Variants in NUMA1 observed in about 807,000 individuals in gnomAD.
NUMA1 encodes the protein SP-H antigen.
In NUMA1, 62 loss-of-function variants were observed where a neutral mutation model predicts 237.1. That is an observed-to-expected ratio of 0.26 (90% CI 0.21 to 0.32). The LOEUF (loss-of-function observed/expected upper bound fraction) is 0.32, where lower values mean the gene tolerates loss of function less well. Among genes scored for constraint, NUMA1 ranks in the 10% least tolerant of loss-of-function variants. The pLI, the probability that NUMA1 is intolerant of heterozygous loss-of-function variation, is 1.00. For synonymous variants in NUMA1, 1,028 were observed against 1,066.1 expected (o/e 0.96, Z 0.70); for missense variants, 2,533 against 2,666.5 (o/e 0.95, Z 1.10).
intron 3 of NUMA1, among the ~76,000 whole-genome samples, chr11:72,032,266 T>A (rs1463806168): frequency 1.3e-5 from 2 of 152,144 alleles, no homozygotes; most frequent in African/African-American, 4.8e-5. Context: ...TGCTAATATA[T>A]TTATAATATA....
At chr11:72,019,780 G>A (rs150233870) in intron 8 of NUMA1, among the ~76,000 whole-genome samples, 163 bp from the exon 9 acceptor site, 35 of 152,304 alleles carry the variant, frequency 2.3e-4, no homozygotes, top group African/African-American at 8.4e-4. Context: ...GAAACCTGGT[G>A]CCTGGGTTAT....
intron 10 of NUMA1, 109 bp from the exon 11 acceptor site, chr11:72,018,622 AGAG>A: frequency 9.2e-7 from 1 of 1,085,926 alleles, no homozygotes; most frequent in Non-Finnish European, 1.4e-6. Flanking sequence ...GGCATAGGGA[AGAG>A]GAGGAATATG....
intron 17 of NUMA1, among the ~76,000 whole-genome samples, chr11:72,010,448 A>T (rs1315540715): frequency 6.6e-6 from 1 of 152,232 alleles, no homozygotes; most frequent in Admixed American, 6.5e-5. Flanking sequence ...GCGCTGTCCA[A>T]TACAGCAGCC....
intron 16 of NUMA1, among the ~76,000 whole-genome samples, 189 bp from the exon 17 acceptor site, chr11:72,011,043 GCAACCTAA>G (rs1416783241): frequency 6.6e-6 from 1 of 152,136 alleles, no homozygotes; most frequent in Non-Finnish European, 1.5e-5. Flanking sequence ...CCTGAATGAG[GCAACCTAA>G]CACATAGATG....
At chr11:72,048,978 G>A (rs1942159126) in intron 2 of NUMA1, among the ~76,000 whole-genome samples, 1 of 152,102 alleles carries the variant, frequency 6.6e-6, no homozygotes, top group East Asian at 1.9e-4. Context: ...GATTAATGAG[G>A]CAGTGTTGGT....
At chr11:72,036,052 A>C (rs2135718925) in intron 2 of NUMA1, 77 bp from the exon 3 acceptor site, 3 of 1,123,372 alleles carry the variant, frequency 2.7e-6, no homozygotes, top group Non-Finnish European at 4.0e-6. Flanking sequence ...GAAATGGTTC[A>C]ATTTGCCAAT....
In NUMA1 at chr11:72,012,923, T is replaced by C; in HGVS notation, c.4580A>G (p.Gln1527Arg). 6.2e-7 allele frequency: 1 copy of C among 1,614,142 alleles called. No individual in the cohort carries two copies. The highest frequency in any genetic ancestry group is 8.5e-7 in the Non-Finnish European group (1 of 1,180,002). The change falls in exon 15 of 27, where the codon CAG becomes CGG. Residue 1527 changes from glutamine (Q) to arginine (R), a missense_variant. Physicochemically the swap from Gln to Arg is conservative, Grantham distance 43. Transcript: ENST00000393695. The part of the protein sequence containing the change: ...VKVLEERQRF[Q>R]EERQKLTAQV... Reference sequence around the variant, plus strand: ...GGCAGTGAGTTTCTGCCTCTCTTCCTGGAACCGCTGCCTCTCCTCCAGGAC... The same window carrying C: ...GGCAGTGAGTTTCTGCCTCTCTTCCCGGAACCGCTGCCTCTCCTCCAGGAC...
chr11:72,025,976 TA>T (rs1216187960), intron 4 of NUMA1, among the ~76,000 whole-genome samples: 1 of 152,190 alleles, frequency 6.6e-6, no homozygotes, highest in East Asian at 1.9e-4. Flanking sequence ...TTAACTAAAA[TA>T]AAAAGAGGTT....
chr11:72,028,085 T>C (rs1347238109), intron 4 of NUMA1, among the ~76,000 whole-genome samples: 1 of 152,184 alleles, frequency 6.6e-6, no homozygotes, highest in African/African-American at 2.4e-5. Flanking sequence ...ACACTTCAAA[T>C]AAAAACCACT....
intron 16 of NUMA1, 76 bp from the exon 17 acceptor site, chr11:72,010,930 G>A: frequency 7.6e-7 from 1 of 1,322,294 alleles, no homozygotes; most frequent in Non-Finnish European, 1.1e-6. Flanking sequence ...CACCCATCAT[G>A]GGGTTTCCCA....
intron 8 of NUMA1, chr11:72,020,351 G>A (rs950698143): frequency 6.6e-6 from 1 of 152,096 alleles, no homozygotes; most frequent in Non-Finnish European, 1.5e-5. Context: ...TGAATACAAG[G>A]AACATCAAAC....
At chr11:72,024,015 G>A in intron 5 of NUMA1, 1 of 422,188 alleles carries the variant, frequency 2.4e-6, no homozygotes, top group South Asian at 3.4e-5. Context: ...AAAGTGACAG[G>A]TCCCAAAAAG....
intron 2 of NUMA1, among the ~76,000 whole-genome samples, chr11:72,046,670 A>G (rs1403910206): frequency 6.6e-6 from 1 of 152,134 alleles, no homozygotes; most frequent in Non-Finnish European, 1.5e-5. Flanking sequence ...CTTTAAATTC[A>G]GTAGGGAGGG....
In NUMA1 at chr11:72,013,542, G is replaced by C; in HGVS notation, c.3961C>G (p.Arg1321Gly). ...LRQELTSQAE[R>G]AEELGQELKA... is the part of the protein sequence containing the mutation. The stretch of plus-strand genomic sequence containing the variant: ...AATTCTTGGCCCAGCTCCTCCGCAC[G>C]CTCAGCCTGTGAGGTCAGCTCCTGC... Residue 1321 changes from arginine (R) to glycine (G), a missense_variant, in exon 15 of 27, where the codon CGT becomes GGT. Coordinates refer to ENST00000393695, the MANE Select transcript of NUMA1 (RefSeq NM_006185.4). The surrounding 1 kb of genome is among the most constrained non-coding windows in gnomAD (Gnocchi z 6.8). 6.2e-7 allele frequency: 1 copy of C among 1,613,418 alleles called. No homozygotes were observed. Among genetic ancestry groups the C allele is most frequent in the Non-Finnish European group, 8.5e-7 (1 of 1,180,032 alleles).
rs867688795 is a variant in NUMA1 at position 72,036,035 on chromosome 11, T to C, written c.-32-60A>G. ...ATATCAGATATCCATGATCAAGAAATAAAGGCGAAATGGTTCAATTTGCCA... is the reference window on the plus strand; with the variant it reads ...ATATCAGATATCCATGATCAAGAAACAAAGGCGAAATGGTTCAATTTGCCA... On this transcript the variant is annotated intron_variant, in intron 2 of 26. Coordinates refer to ENST00000393695, the MANE Select transcript of NUMA1 (RefSeq NM_006185.4). 7 of 1,346,164 alleles carry C rather than the reference T, an allele frequency of 5.2e-6. 1 individual carries two copies. The Middle Eastern group carries it at 9.1e-4, about 175-fold the overall frequency. 83.4% of individuals were successfully genotyped at this position (1,346,164 alleles called of 1,614,324 possible).
At chr11:72,007,478 A>G in intron 20 of NUMA1, 43 bp from the exon 21 acceptor site, 3 of 1,605,352 alleles carry the variant, frequency 1.9e-6, no homozygotes, top group Non-Finnish European at 2.5e-6. Flanking sequence ...TTCACGCTAG[A>G]AGGCATTTTG....
chr11:72,015,477 G>A lies in NUMA1; in HGVS notation c.2026C>T (p.Leu676=). The A allele has an allele frequency of 6.2e-7, 1 of 1,612,678 alleles. No homozygotes were observed. The highest frequency in any genetic ancestry group is 2.2e-5 in the East Asian group (1 of 44,830). Residue 676 remains leucine, a synonymous_variant, in exon 15 of 27, where the codon CTA becomes TTA. Transcript: ENST00000393695. The surrounding 1 kb of genome is among the most constrained non-coding windows in gnomAD (Gnocchi z 4.0). ...QHEAQAQVAE[L]ELQLRSEQQK... ...TGCTCAGACCGCAGCTGCAACTCTA[G>A]CTCTGCAACCTGGGCCTGGGCCTCA...
Position 72,017,236 on chromosome 11 carries a change from T to A in NUMA1, c.1119+451A>T, listed in dbSNP as rs1386385555. Reference sequence around the variant, plus strand: ...CCTTGATCAAGGGCTACATGGTTATTAGTAAGTGGCCAAATTGGGTTCTTA... The same window carrying A: ...CCTTGATCAAGGGCTACATGGTTATAAGTAAGTGGCCAAATTGGGTTCTTA... On this transcript the variant is annotated intron_variant, in intron 13 of 26. Coordinates refer to ENST00000393695, the MANE Select transcript of NUMA1 (RefSeq NM_006185.4). The A allele has an allele frequency of 1.4e-5, 3 of 217,606 alleles. No individual in the cohort carries two copies. In the Admixed American group the frequency reaches 1.5e-4, roughly 11 times the overall value. The allele number at this position is 217,606 out of a possible 1,614,324, so 13.5% of individuals were successfully genotyped here.
chr11:72,017,435 C>T, intron 13 of NUMA1: 2 of 529,448 alleles, frequency 3.8e-6, no homozygotes, highest in Non-Finnish European at 6.9e-6. Flanking sequence ...CCAAGATCCA[C>T]ATCTTGTGAA....
Sources: allele counts gnomAD v4.1 joint callset (sites outside exome capture counted in the v4.1 genomes callset), GRCh38; gene constraint gnomAD v4.1.1; non-coding constraint Gnocchi (gnomAD v3.1); transcripts MANE v1.5; gene names NCBI Gene and HGNC (gene_info 2026-07-23, HGNC 2026-07-21).